The following ZNF483 variants were observed in gnomAD, a reference collection of about 807,000 sequenced individuals.
ZNF483 encodes zinc finger protein 483.
In ZNF483, 9 loss-of-function variants were observed where a neutral mutation model predicts 28.6. That is an observed-to-expected ratio of 0.32 (90% CI 0.19 to 0.55). The LOEUF (loss-of-function observed/expected upper bound fraction) is 0.55. Ranked by LOEUF, ZNF483 falls within the 20% of genes least tolerant of loss-of-function variation. The pLI, the probability that ZNF483 is intolerant of heterozygous loss-of-function variation, is 0.93. For missense variants in ZNF483, 675 were observed against 871.7 expected, an observed-to-expected ratio of 0.77 and a Z score of 2.84; for synonymous variants, 322 against 306.2, an observed-to-expected ratio of 1.05 and a Z score of -0.54.
chr9:111,529,093 C>T (rs560556963), intron 2 of ZNF483, among the ~76,000 whole-genome samples: 6 of 151,014 alleles, frequency 4.0e-5, no homozygotes, highest in Non-Finnish European at 5.9e-5. Context: ...GCCAAGATCA[C>T]GCCATTGCAC....
exon 6 of ZNF483, chr9:111,576,598 T>A (rs1829066100): frequency 1.6e-6 from 1 of 611,304 alleles, no homozygotes; most frequent in Admixed American, 3.3e-5. Context: ...AACCTCCTTT[T>A]GTCTTTCATA....
rs993337814 is a variant in ZNF483, at chr9:111,545,305, T to A, written c.*2135T>A. Among the ~76,000 whole-genome samples, 1 of 152,216 alleles carries A rather than the reference T, an allele frequency of 6.6e-6. No homozygotes were observed. Among genetic ancestry groups the A allele is most frequent in the African/African-American group, 2.4e-5 (1 of 41,458 alleles). On this transcript the variant is annotated 3_prime_UTR_variant, in exon 6 of 6. Transcript: ENST00000309235. ...GAAAGTTGAAGAAATAACGTAAAAG[T>A]CTTCAGAAGAGGCTTGTTCCAAGAT...
rs1564599464 is a variant in ZNF483 at position 111,545,520 on chromosome 9, AT to A, written c.*2356del. Among the ~76,000 whole-genome samples, 2 of 152,188 alleles carry A rather than the reference AT, an allele frequency of 1.3e-5. No homozygotes were observed. Among genetic ancestry groups the A allele is most frequent in the East Asian group, 3.9e-4 (2 of 5,176 alleles). ...AGTTGTGCAACCATTACCATAATCCATTTTTTAGAACATCATCCCAGCAAGA... is the reference window on the plus strand; with the variant it reads ...AGTTGTGCAACCATTACCATAATCCATTTTTAGAACATCATCCCAGCAAGA... On this transcript the variant is annotated 3_prime_UTR_variant, in exon 6 of 6. Transcript: ENST00000309235.
At chr9:111,557,481 T>C (rs1828159292), downstream of ZNF483, among the ~76,000 whole-genome samples, 1 of 151,986 alleles carries the variant, frequency 6.6e-6, no homozygotes, top group Non-Finnish European at 1.5e-5. Context: ...AGTCTCGCTC[T>C]GTCTCTCAGG....
intron 5 of ZNF483, among the ~76,000 whole-genome samples, chr9:111,535,352 G>A (rs544789845): frequency 1.3e-5 from 2 of 152,174 alleles, no homozygotes; most frequent in Non-Finnish European, 2.9e-5. Flanking sequence ...ACAGGAGCAA[G>A]GTTTTAATTC....
At chr9:111,563,810 T>G (rs1828424811) in intron 5 of ZNF483, 1 of 152,372 alleles carries the variant, frequency 6.6e-6, no homozygotes, top group Admixed American at 6.5e-5. Context: ...CCAGAGCGAT[T>G]AAGCAATTTC....
At chr9:111,556,201 C>T (rs1408915062), downstream of ZNF483, among the ~76,000 whole-genome samples, 1 of 152,250 alleles carries the variant, frequency 6.6e-6, no homozygotes, top group Non-Finnish European at 1.5e-5. Context: ...ATCTTTGACT[C>T]CATGTCTCAC....
At chr9:111,570,670 T>C (rs1828778806) in intron 5 of ZNF483, among the ~76,000 whole-genome samples, 2 of 151,424 alleles carry the variant, frequency 1.3e-5, no homozygotes, top group South Asian at 4.2e-4. Flanking sequence ...TCCCAGCTAC[T>C]TGGGAGGCTG....
Position 111,533,812 on chromosome 9 carries a change from A to C in ZNF483, c.575A>C (p.Lys192Thr). 6.3e-7 allele frequency: 1 copy of C among 1,592,880 alleles called. No homozygotes were observed. Among genetic ancestry groups the C allele is most frequent in the Non-Finnish European group, 8.5e-7 (1 of 1,174,436 alleles). ...TGGAAGAAGCTGGAGCCTTTTCAAA[A>C]GGAGCTATATAAGGAAGTGCTACTG... ...GEWKKLEPFQ[K>T]ELYKEVLLEN... Residue 192 changes from lysine to threonine, a missense_variant, in exon 4 of 6, where the codon AAG becomes ACG. This residue lies in a region of ZNF483 where 525 missense variants were observed against 581.8 expected (regional missense o/e 0.90). Coordinates refer to ENST00000309235, the MANE Select transcript of ZNF483 (RefSeq NM_133464.5).
chr9:111,538,507 C>A (rs549692989), intron 5 of ZNF483, among the ~76,000 whole-genome samples: 86 of 139,574 alleles, frequency 6.2e-4, no homozygotes, highest in East Asian at 2.2e-3. Flanking sequence ...AAAAAAAAAA[C>A]CACCTGTAAG....
chr9:111,576,313 T>C, intron 5 of ZNF483: 1 of 1,603,996 alleles, frequency 6.2e-7, no homozygotes, highest in Non-Finnish European at 8.5e-7. Context: ...TGCTAAAATT[T>C]TATTTGTAAC....
rs13297828 is a variant in ZNF483, at chr9:111,551,401, T to G, written c.*8231T>G. ...AACTGAATCAAGTATCCAGTTTTTG[T>G]TTTTTTTTTTTTTTTTTTTTTTTTG... On this transcript the variant is annotated 3_prime_UTR_variant, in exon 6 of 6. Transcript: ENST00000309235. Among the ~76,000 whole-genome samples, 1 of 20,708 alleles carries G rather than the reference T, an allele frequency of 4.8e-5. No homozygotes were observed. Among genetic ancestry groups the G allele is most frequent in the Admixed American group, 4.0e-4 (1 of 2,494 alleles). 13.6% of individuals were successfully genotyped at this position (20,708 alleles called of 152,430 possible). A position where few individuals can be genotyped will look rare whatever the true frequency, so the allele number is the denominator to read the frequency against.
At chr9:111,535,639 G>A (rs993801046) in intron 5 of ZNF483, among the ~76,000 whole-genome samples, 1 of 152,134 alleles carries the variant, frequency 6.6e-6, no homozygotes. Context: ...TGCCTCCCAG[G>A]TTCAAGTGAT....
At position 111,544,094 on chromosome 9, in the gene ZNF483, C is replaced by T; in HGVS notation, c.*924C>T. Reference sequence around the variant, plus strand: ...TCTTTTTCTTTTGGGCATTGGCCAACAGGACTGAGAAGCCAGAGAGCTTGC... The same window carrying T: ...TCTTTTTCTTTTGGGCATTGGCCAATAGGACTGAGAAGCCAGAGAGCTTGC... On this transcript the variant is annotated 3_prime_UTR_variant, in exon 6 of 6. Transcript: ENST00000309235. 4.1e-6 allele frequency: 4 copies of T among 985,426 alleles called. No individual in the cohort carries two copies. The highest frequency in any genetic ancestry group is 4.8e-6 in the Non-Finnish European group (4 of 829,966). The allele number at this position is 985,426 out of a possible 1,614,324, so 61.0% of individuals were successfully genotyped here.
At chr9:111,537,558 T>G (rs1212750937) in intron 5 of ZNF483, among the ~76,000 whole-genome samples, 1 of 152,106 alleles carries the variant, frequency 6.6e-6, no homozygotes, top group Non-Finnish European at 1.5e-5. Context: ...TTTGAGCTCA[T>G]TGCAATACCA....
At chr9:111,541,585 C>T (rs771915690) in intron 5 of ZNF483, 72 bp from the exon 6 acceptor site, 1 of 1,261,408 alleles carries the variant, frequency 7.9e-7, no homozygotes, top group Admixed American at 2.5e-5. Flanking sequence ...TAATGTGTTC[C>T]TATTTCAGAC....
chr9:111,527,579 G>C lies in ZNF483; in HGVS notation c.184G>C (p.Glu62Gln), dbSNP rs550533162. The C allele has an allele frequency of 6.2e-7, 1 of 1,614,236 alleles. No homozygotes were observed. Among genetic ancestry groups the C allele is most frequent in the South Asian group, 1.1e-5 (1 of 91,084 alleles). ...GAGGTTTAGGTGGTTTTGTTACTCA[G>C]AAGTAGCTGGACCCAGGAAAGCTCT... ...RQRFRWFCYSEVAGPRKALSQ... is the reference protein window; with the variant it reads ...RQRFRWFCYSQVAGPRKALSQ... The change falls in exon 2 of 6, where the codon GAA becomes CAA. Residue 62 changes from glutamate (E) to glutamine (Q), a missense_variant. Glu to Gln is a conservative substitution (Grantham distance 29). Around this residue, in one of 6 missense-constraint regions of ZNF483, gnomAD observed 525 missense variants for 581.8 expected, o/e 0.90. Transcript: ENST00000309235.
Position 111,550,506 on chromosome 9 carries a change from A to G in ZNF483, c.*7336A>G, listed in dbSNP as rs1002917382. Among the ~76,000 whole-genome samples the G allele has an allele frequency of 1.3e-5, 2 of 152,180 alleles. No homozygotes were observed. Among genetic ancestry groups the G allele is most frequent in the African/African-American group, 4.8e-5 (2 of 41,448 alleles). ...AGCTGCTACTTCACTGAAGGCTGAA[A>G]TCCACCAATGTTAACTGCAATTTAC... On this transcript the variant is annotated 3_prime_UTR_variant, in exon 6 of 6. Transcript: ENST00000309235.
At chr9:111,534,399 C>CA in intron 5 of ZNF483, 46 bp downstream of exon 5, 1 of 1,513,698 alleles carries the variant, frequency 6.6e-7, no homozygotes, top group South Asian at 1.1e-5. Context: ...AGTTGTTTAG[C>CA]AAGTCTGTTG....
Sources: allele counts gnomAD v4.1 joint callset (sites outside exome capture counted in the v4.1 genomes callset), GRCh38; gene constraint gnomAD v4.1.1; regional missense constraint gnomAD v4.1.1; transcripts MANE v1.5; gene names NCBI Gene and HGNC (gene_info 2026-07-23, HGNC 2026-07-21).